CLIC4: variants seen among roughly 807,000 people sequenced by gnomAD.
The protein encoded by CLIC4 is CLIC family member 4.
In CLIC4, 13 loss-of-function variants were observed where a neutral mutation model predicts 24.6. The observed-to-expected ratio is 0.53, with a 90% CI of 0.34 to 0.84. CLIC4 has a LOEUF of 0.84. Ranked by LOEUF, CLIC4 falls within the 40% of genes least tolerant of loss-of-function variation. CLIC4 has a pLI of 0.01. For missense variants in CLIC4, 227 were observed against 301.7 expected, an observed-to-expected ratio of 0.75 and a Z score of 1.83; for synonymous variants, 104 against 111.3, an observed-to-expected ratio of 0.93 and a Z score of 0.41.
intron 4 of CLIC4, among the ~76,000 whole-genome samples, chr1:24,838,073 A>G (rs1216839937): frequency 1.3e-5 from 2 of 152,170 alleles, no homozygotes; most frequent in Non-Finnish European, 1.5e-5. Flanking sequence ...GCATGAACTC[A>G]TCTCCGTAGC....
intron 3 of CLIC4, among the ~76,000 whole-genome samples, chr1:24,822,345 T>TC (rs1345345681): frequency 4.0e-4 from 52 of 129,032 alleles, no homozygotes; most frequent in African/African-American, 1.8e-3. Context: ...TGAATTCTTT[T>TC]TTTTTTTTTT....
chr1:24,768,793 C>T (rs1056814063), intron 1 of CLIC4, among the ~76,000 whole-genome samples: 6 of 149,854 alleles, frequency 4.0e-5, no homozygotes, highest in African/African-American at 1.5e-4. Context: ...CCCAGCTACT[C>T]GGGAGGCTAA....
In CLIC4 at chr1:24,842,298, T is replaced by C. The variant is rs993135158; in HGVS notation, c.*1361T>C. On this transcript the variant is annotated 3_prime_UTR_variant, in exon 6 of 6. Coordinates refer to ENST00000374379, the MANE Select transcript of CLIC4 (RefSeq NM_013943.3). The stretch of plus-strand genomic sequence containing the variant: ...AGGATGAACTTGCTGAAAATAAAAC[T>C]TTGCTATGTATTTACTCTTTTTTAA... The C allele has an allele frequency of 4.6e-5, 7 of 152,278 alleles. No homozygotes were observed. The highest frequency in any genetic ancestry group is 1.4e-4 in the African/African-American group (6 of 41,556). The allele number at this position is 152,278 out of a possible 1,614,324, so 9.4% of individuals were successfully genotyped here.
intron 4 of CLIC4, among the ~76,000 whole-genome samples, chr1:24,828,125 C>T (rs1639804944): frequency 6.6e-6 from 1 of 152,264 alleles, no homozygotes; most frequent in South Asian, 2.1e-4. Flanking sequence ...AAGTGAAATA[C>T]TTGCTAATTT....
intron 1 of CLIC4, among the ~76,000 whole-genome samples, chr1:24,757,128 C>T (rs917694866): frequency 2.0e-5 from 3 of 152,142 alleles, no homozygotes; most frequent in African/African-American, 7.2e-5. Context: ...CTCTAGACCT[C>T]AGGTGATCCG....
chr1:24,799,732 C>T (rs1419679650), intron 2 of CLIC4, among the ~76,000 whole-genome samples: 14 of 136,124 alleles, frequency 1.0e-4, no homozygotes, highest in Admixed American at 4.9e-4. Context: ...CCAGCCGCCC[C>T]GTCCGGGAGG....
chr1:24,755,885 G>A (rs1487701768), intron 1 of CLIC4, among the ~76,000 whole-genome samples: 1 of 151,592 alleles, frequency 6.6e-6, no homozygotes, highest in East Asian at 1.9e-4. Flanking sequence ...GCAGTGGTGC[G>A]ATCTCGGCTC....
intron 1 of CLIC4, among the ~76,000 whole-genome samples, chr1:24,770,259 C>G (rs1639055069): frequency 6.6e-6 from 1 of 150,666 alleles, no homozygotes; most frequent in East Asian, 2.0e-4. Flanking sequence ...GAGTTCTTTT[C>G]TTTCTGCCCT....
At chr1:24,820,075 A>ATATATATATATATATATC (rs1639712843) in intron 3 of CLIC4, among the ~76,000 whole-genome samples, 1 of 64,876 alleles carries the variant, frequency 1.5e-5, no homozygotes, top group African/African-American at 5.6e-5. Context: ...ATGTATATAT[A>ATATATATATATATATATC]TATGTATATA....
intron 1 of CLIC4, among the ~76,000 whole-genome samples, chr1:24,782,033 A>G (rs150143593): frequency 6.6e-4 from 100 of 152,296 alleles, no homozygotes; most frequent in Non-Finnish European, 1.2e-3. Flanking sequence ...AATTGATCAT[A>G]ATTTGGTCAT....
chr1:24,745,997 G>A (rs1638690580), intron 1 of CLIC4, among the ~76,000 whole-genome samples: 1 of 150,768 alleles, frequency 6.6e-6, no homozygotes, highest in Admixed American at 6.6e-5. Context: ...GGGCGCCGGG[G>A]CCCGGCCCCA....
chr1:24,799,625 G>A (rs1432602913), intron 2 of CLIC4, among the ~76,000 whole-genome samples: 1 of 142,452 alleles, frequency 7.0e-6, no homozygotes, highest in African/African-American at 2.8e-5. Flanking sequence ...CGCCCGGCCA[G>A]CCGCCCCGTC....
intron 1 of CLIC4, among the ~76,000 whole-genome samples, chr1:24,784,739 A>G (rs1276836298): frequency 6.6e-6 from 1 of 152,122 alleles, no homozygotes; most frequent in Non-Finnish European, 1.5e-5. Flanking sequence ...CTGGACACAT[A>G]GTAATTCTGT....
In CLIC4 at chr1:24,820,067, G is replaced by GTGTATATATA. The variant is rs1212033050; in HGVS notation, c.308+5849_308+5850insGTATATATAT. 3.8e-3 allele frequency among the ~76,000 whole-genome samples: 137 copies of GTGTATATATA among 36,450 alleles called. 19 individuals carry two copies. Among genetic ancestry groups the GTGTATATATA allele is most frequent in the Non-Finnish European group, 4.8e-3 (92 of 19,172 alleles). The allele number at this position is 36,450 out of a possible 152,430, so 23.9% of individuals were successfully genotyped here. On this transcript the variant is annotated intron_variant, in intron 3 of 5. Transcript: ENST00000374379. The stretch of plus-strand genomic sequence containing the variant: ...TACTTCAAAAAAAAAAAAAAAGTAT[G>GTGTATATATA]TATATATATATGTATATATATATAT...
chr1:24,807,854 C>A (rs1268886771), intron 2 of CLIC4, among the ~76,000 whole-genome samples: 1 of 151,830 alleles, frequency 6.6e-6, no homozygotes, highest in Non-Finnish European at 1.5e-5. Context: ...ATTGACTGTT[C>A]ATTATAAAAA....
chr1:24,819,202 A>G (rs1639701781), intron 3 of CLIC4, among the ~76,000 whole-genome samples: 1 of 152,120 alleles, frequency 6.6e-6, no homozygotes, highest in Non-Finnish European at 1.5e-5. Flanking sequence ...CTGCCCTTCT[A>G]AGAGCCTGGA....
At chr1:24,774,786 A>AT (rs1639113786) in intron 1 of CLIC4, among the ~76,000 whole-genome samples, 1 of 152,054 alleles carries the variant, frequency 6.6e-6, no homozygotes. Context: ...CTGAAAAAAA[A>AT]AGGACCGAGG....
chr1:24,781,001 C>T (rs904326851), intron 1 of CLIC4, among the ~76,000 whole-genome samples: 8 of 148,782 alleles, frequency 5.4e-5, no homozygotes, highest in Non-Finnish European at 1.2e-4. Context: ...GCAGGAAAAT[C>T]GCTTGAACCT....
intron 4 of CLIC4, among the ~76,000 whole-genome samples, chr1:24,836,559 G>A (rs1485466497): frequency 6.6e-6 from 1 of 152,086 alleles, no homozygotes; most frequent in Non-Finnish European, 1.5e-5. Context: ...CAGCTAGAAC[G>A]GGGCACAGTG....
Sources: gnomAD v4.1 joint callset for allele counts (sites outside exome capture counted in the v4.1 genomes callset) on GRCh38, gnomAD v4.1.1 for gene constraint, MANE v1.5 for transcripts, NCBI Gene and HGNC (gene_info 2026-07-23, HGNC 2026-07-21) for gene names.